The following COL26A1 variants were observed in gnomAD, a reference collection of about 807,000 sequenced individuals.
COL26A1 encodes collagen type XXVI alpha 1 chain.
In COL26A1, 41 loss-of-function variants were observed where a neutral mutation model predicts 59.3. The observed-to-expected ratio is 0.69, with a 90% confidence interval of 0.54 to 0.90. COL26A1 has a LOEUF of 0.90. COL26A1 is among the 40% of genes least tolerant of loss of function. The probability of loss-of-function intolerance (pLI) is 0.00; values close to 1 mark genes in which losing one functional copy is unlikely to be tolerated. For missense variants in COL26A1, 612 were observed against 602.3 expected (o/e 1.02, Z -0.17); for synonymous variants, 266 against 256.0 (o/e 1.04, Z -0.37).
chr7:101,436,196 T>C (rs2130339728), intron 2 of COL26A1, among the ~76,000 whole-genome samples: 1 of 152,248 alleles, frequency 6.6e-6, no homozygotes, highest in Non-Finnish European at 1.5e-5. Context: ...CTGGGCCCAC[T>C]GTCCATTCCG....
rs181541558 is a variant in COL26A1, at chr7:101,371,080, C to T, written c.158+7890C>T. Among the ~76,000 whole-genome samples, 480 of 152,298 alleles carry T rather than the reference C, an allele frequency of 3.2e-3. 2 individuals carry two copies. The highest frequency in any genetic ancestry group is 0.011 in the African/African-American group (466 of 41,560). On this transcript the variant is annotated intron_variant, in intron 1 of 12. Transcript: ENST00000313669. ...GTGCATGAGCTGGAGCTTAGCCCTG[C>T]CCACCACCCACCACTGCCTCTTGGA...
intron 3 of COL26A1, among the ~76,000 whole-genome samples, chr7:101,485,171 CG>C (rs1009954208): frequency 1.3e-5 from 2 of 151,998 alleles, no homozygotes; most frequent in Non-Finnish European, 2.9e-5. Context: ...ATATTTCTAC[CG>C]GGGGAGAGAA....
chr7:101,523,071 C>CTT (rs543281151), intron 3 of COL26A1, among the ~76,000 whole-genome samples: 3 of 140,426 alleles, frequency 2.1e-5, no homozygotes, highest in Non-Finnish European at 3.1e-5. Flanking sequence ...AAAAGAAATT[C>CTT]TTTTTTTTTT....
At chr7:101,462,386 G>A (rs527318339) in intron 3 of COL26A1, among the ~76,000 whole-genome samples, 6 of 152,004 alleles carry the variant, frequency 3.9e-5, no homozygotes, top group Non-Finnish European at 7.4e-5. Flanking sequence ...GTGCCATCTC[G>A]GCTCACTGCA....
chr7:101,463,770 C>CTTCTTTCTTTCTTTCTCTCTCT (rs1793678396), intron 3 of COL26A1, among the ~76,000 whole-genome samples: 1 of 37,106 alleles, frequency 2.7e-5, no homozygotes, highest in Non-Finnish European at 5.0e-5. Context: ...CTTTTCCTTC[C>CTTCTTTCTTTCTTTCTCTCTCT]TTCTTTCTTT....
chr7:101,447,710 A>G lies in COL26A1; in HGVS notation c.308A>G (p.Tyr103Cys), dbSNP rs1770171995. Residue 103 changes from tyrosine (Y) to cysteine (C), a missense_variant, in exon 3 of 13, where the codon TAC becomes TGC. Tyr to Cys is a radical substitution (Grantham distance 194). Coordinates refer to ENST00000313669, the MANE Select transcript of COL26A1 (RefSeq NM_001278563.3). ...VSYRTLIRPT[Y>C]RVSYRTVTVL... is the part of the protein sequence containing the mutation. The stretch of plus-strand genomic sequence containing the variant: ...TACAGGACTCTGATCAGACCCACCT[A>G]CAGAGTGTCCTACCGCACGGTGACG... 6.2e-7 allele frequency: 1 copy of G among 1,604,048 alleles called. No individual in the cohort carries two copies. Among genetic ancestry groups the G allele is most frequent in the Non-Finnish European group, 8.5e-7 (1 of 1,175,452 alleles).
intron 3 of COL26A1, among the ~76,000 whole-genome samples, chr7:101,467,463 G>C (rs1793791563): frequency 6.6e-6 from 1 of 151,540 alleles, no homozygotes; most frequent in South Asian, 2.1e-4. Flanking sequence ...CGTTTGCATA[G>C]TGTGCGAAGA....
rs1432339681 is a variant in COL26A1 at position 101,492,704 on chromosome 7, AAATAAATAAAT to A, written c.386-40375_386-40365del. 3.2e-4 allele frequency among the ~76,000 whole-genome samples: 9 copies of A among 28,410 alleles called. No homozygotes were observed. The African/African-American group carries it at 6.8e-3, about 22-fold the overall frequency. 18.6% of individuals were successfully genotyped at this position (28,410 alleles called of 152,430 possible). A position where few individuals can be genotyped will look rare whatever the true frequency, so the allele number is the denominator to read the frequency against. ...AGAGCAAGACTCTGTCTCAAAAAAT[AAATAAATAAAT>A]AAATAAATAAATAAATAAATAAATA... On this transcript the variant is annotated intron_variant, in intron 3 of 12. Transcript: ENST00000313669.
At chr7:101,443,001 G>A (rs1300490942) in intron 2 of COL26A1, among the ~76,000 whole-genome samples, 1 of 152,200 alleles carries the variant, frequency 6.6e-6, no homozygotes, top group Non-Finnish European at 1.5e-5. Flanking sequence ...GCAAGCGTGT[G>A]AAGGTGTGAG....
intron 1 of COL26A1, among the ~76,000 whole-genome samples, chr7:101,406,304 T>C (rs1306582459): frequency 1.3e-5 from 2 of 152,206 alleles, no homozygotes; most frequent in Non-Finnish European, 2.9e-5. Context: ...ACACTCCTAC[T>C]GTTTTTTGTG....
intron 2 of COL26A1, among the ~76,000 whole-genome samples, chr7:101,427,826 A>G (rs1479799649): frequency 6.6e-6 from 1 of 152,012 alleles, no homozygotes; most frequent in Non-Finnish European, 1.5e-5. Flanking sequence ...CAGGAGCTGT[A>G]GGGGACCCAA....
At chr7:101,450,206 A>G (rs905040368) in intron 3 of COL26A1, among the ~76,000 whole-genome samples, 1 of 151,916 alleles carries the variant, frequency 6.6e-6, no homozygotes, top group African/African-American at 2.4e-5. Flanking sequence ...AGTTTCATGT[A>G]TGGAACCTCT....
At chr7:101,389,593 T>C (rs1791674506) in intron 1 of COL26A1, among the ~76,000 whole-genome samples, 1 of 151,986 alleles carries the variant, frequency 6.6e-6, no homozygotes, top group Non-Finnish European at 1.5e-5. Flanking sequence ...TTTTCTCTTG[T>C]TGCCCAGGCT....
chr7:101,427,168 C>T (rs1370178521), intron 2 of COL26A1, among the ~76,000 whole-genome samples: 1 of 152,216 alleles, frequency 6.6e-6, no homozygotes, highest in Non-Finnish European at 1.5e-5. Flanking sequence ...AAGTGATCCT[C>T]ATGCCTTAGC....
intron 1 of COL26A1, among the ~76,000 whole-genome samples, chr7:101,366,474 A>ATTTTTTTTTTTTTTTTTTTTTTTT: frequency 1.3e-5 from 1 of 76,228 alleles, no homozygotes; most frequent in Non-Finnish European, 2.9e-5. Context: ...TTAACGTCTG[A>ATTTTTTTTTTTTTTTTTTTTTTTT]TTTTTTTTTT....
At chr7:101,373,952 A>G (rs1188619866) in intron 1 of COL26A1, among the ~76,000 whole-genome samples, 1 of 152,178 alleles carries the variant, frequency 6.6e-6, no homozygotes, top group Non-Finnish European at 1.5e-5. Context: ...CTCGTGTGAC[A>G]CTTCATTGCC....
At chr7:101,534,992 C>A (rs1028161177) in intron 4 of COL26A1, among the ~76,000 whole-genome samples, 1 of 152,230 alleles carries the variant, frequency 6.6e-6, no homozygotes, top group African/African-American at 2.4e-5. Flanking sequence ...CTGTTCCCGC[C>A]TTACAGATAT....
chr7:101,424,896 C>G (rs1792606853), intron 2 of COL26A1, among the ~76,000 whole-genome samples: 2 of 152,066 alleles, frequency 1.3e-5, no homozygotes, highest in African/African-American at 2.4e-5. Flanking sequence ...GCTCTAGCTC[C>G]TTCTCTCCAC....
chr7:101,447,585 C>A, intron 2 of COL26A1, 99 bp from the exon 3 acceptor site: 1 of 803,244 alleles, frequency 1.2e-6, no homozygotes. Context: ...CCTCCCGGAG[C>A]CCTGGCTGGG....
Sources: allele counts gnomAD v4.1 joint callset (sites outside exome capture counted in the v4.1 genomes callset), GRCh38; gene constraint gnomAD v4.1.1; transcripts MANE v1.5; gene names NCBI Gene and HGNC (gene_info 2026-07-23, HGNC 2026-07-21).